ATCAY: variants seen among roughly 807,000 people sequenced by gnomAD.
The protein encoded by ATCAY is caytaxin.
A neutral mutation model predicts 47.7 loss-of-function variants in ATCAY; 22 were observed. The observed-to-expected ratio is 0.46, with a 90% CI of 0.33 to 0.66. The LOEUF (loss-of-function observed/expected upper bound fraction) is 0.66, where lower values mean the gene tolerates loss of function less well. ATCAY is among the 30% of genes least tolerant of loss of function. The probability of loss-of-function intolerance (pLI) is 0.02; values close to 1 mark genes in which losing one functional copy is unlikely to be tolerated. For synonymous variants in ATCAY, 216 were observed against 207.6 expected, an observed-to-expected ratio of 1.04 and a Z score of -0.35; for missense variants, 452 against 515.0, an observed-to-expected ratio of 0.88 and a Z score of 1.18.
intron 11 of ATCAY, among the ~76,000 whole-genome samples, chr19:3,919,285 A>G (rs1370827899): frequency 6.7e-6 from 1 of 148,404 alleles, no homozygotes; most frequent in African/African-American, 2.5e-5. Context: ...AAATAAATAA[A>G]CAAATAAAAT....
chr19:3,912,599 G>A (rs2038933045), intron 8 of ATCAY, among the ~76,000 whole-genome samples: 1 of 151,940 alleles, frequency 6.6e-6, no homozygotes, highest in Non-Finnish European at 1.5e-5. Context: ...TTTAAATACG[G>A]CCAGGTGTGG....
chr19:3,907,718 C>T lies in ATCAY; in HGVS notation c.359-16C>T, dbSNP rs535496518. The T allele has an allele frequency of 7.3e-5, 117 of 1,613,566 alleles. No homozygotes were observed. The highest frequency in any genetic ancestry group is 5.8e-4 in the Admixed American group (35 of 59,908). On this transcript the variant is annotated splice_polypyrimidine_tract_variant and intron_variant, in intron 4 of 12. Coordinates refer to ENST00000450849, the MANE Select transcript of ATCAY (RefSeq NM_033064.5). The surrounding 1 kb of genome is among the most constrained non-coding windows in gnomAD (Gnocchi z 5.1). ...GGACTCTGGCGTCCATGCGACTCTC[C>T]GCCACCTGCTTCTAGACGACACCCC...
rs755440503 is a variant in ATCAY at position 3,907,803 on chromosome 19, C to T, written c.428C>T (p.Thr143Met). The T allele has an allele frequency of 7.1e-5, 115 of 1,613,848 alleles. No individual in the cohort carries two copies. Among genetic ancestry groups the T allele is most frequent in the Middle Eastern group, 1.6e-4 (1 of 6,084 alleles). The change falls in exon 5 of 13, where the codon ACG becomes ATG. Residue 143 changes from threonine to methionine, a missense_variant. Transcript: ENST00000450849. The surrounding 1 kb of genome is among the most constrained non-coding windows in gnomAD (Gnocchi z 5.1). Reference protein sequence around the residue: ...DSADLFGDGTTEDGSAANGRL... With the variant: ...DSADLFGDGTMEDGSAANGRL... Reference sequence around the variant, plus strand: ...GCGGATCTATTTGGGGACGGCACGACGGAGGACGGCAGCGCCGCCAACGGG... The same window carrying T: ...GCGGATCTATTTGGGGACGGCACGATGGAGGACGGCAGCGCCGCCAACGGG...
At chr19:3,905,729 A>T in intron 4 of ATCAY, 74 bp downstream of exon 4, 1 of 1,364,248 alleles carries the variant, frequency 7.3e-7, no homozygotes, top group Non-Finnish European at 1.0e-6. Context: ...CTGGATTCCC[A>T]TAGGCTCAGA....
At chr19:3,881,126 C>G (rs2038594727) in intron 1 of ATCAY, 118 bp downstream of exon 1, 1 of 152,080 alleles carries the variant, frequency 6.6e-6, no homozygotes. Flanking sequence ...GAGCAGAGAG[C>G]CACGGTCTTG....
Position 3,908,284 on chromosome 19 carries a change from C to T in ATCAY, c.561C>T (p.Gly187=), listed in dbSNP as rs1239017527. 1.9e-6 allele frequency: 3 copies of T among 1,580,058 alleles called. No homozygotes were observed. The highest frequency in any genetic ancestry group is 2.3e-5 in the East Asian group (1 of 43,032). Reference sequence around the variant, plus strand: ...TCTCCTCAGGGTACTACGGCGAAGGCCTCAACGCCATCATCGTCTTCGCAG... The same window carrying T: ...TCTCCTCAGGGTACTACGGCGAAGGTCTCAACGCCATCATCGTCTTCGCAG... ...VVTHGGYYGE[G]LNAIIVFAAC... is the part of the protein sequence containing the mutation. Residue 187 remains glycine, a synonymous_variant, in exon 6 of 13, where the codon GGC becomes GGT. Transcript: ENST00000450849.
At chr19:3,919,607 A>G (rs999719176) in intron 11 of ATCAY, among the ~76,000 whole-genome samples, 1 of 151,916 alleles carries the variant, frequency 6.6e-6, no homozygotes, top group African/African-American at 2.4e-5. Context: ...AAATAAATAA[A>G]TAAATATCAT....
chr19:3,920,207 GAT>G (rs1035504812), intron 11 of ATCAY: 1 of 152,196 alleles, frequency 6.6e-6, no homozygotes, highest in African/African-American at 2.4e-5. Flanking sequence ...AGCCAGGCAT[GAT>G]GGTGTATACC....
chr19:3,914,247 A>AAAAAAAAAAAAAAAAT, intron 9 of ATCAY, among the ~76,000 whole-genome samples: 1 of 150,574 alleles, frequency 6.6e-6, no homozygotes, highest in Non-Finnish European at 1.5e-5. Flanking sequence ...AAAAAAAAAA[A>AAAAAAAAAAAAAAAAT]AAAGGGCTAA....
rs2038979146 is a variant in ATCAY, at chr19:3,917,780, G to A, written c.1001+3G>A. 5 of 1,609,982 alleles carry A rather than the reference G, an allele frequency of 3.1e-6. No homozygotes were observed. The East Asian group carries it at 6.7e-5, about 22-fold the overall frequency. ...AGACTGAAGGCCAGGAGGGAGAGGT[G>A]TGTGCAGAGTGGTTTCTGCTGGGGC... On this transcript the variant is annotated splice_donor_region_variant and intron_variant, in intron 10 of 12. Coordinates refer to ENST00000450849, the MANE Select transcript of ATCAY (RefSeq NM_033064.5).
At chr19:3,901,197 C>T (rs1306962641) in intron 2 of ATCAY, among the ~76,000 whole-genome samples, 1 of 152,184 alleles carries the variant, frequency 6.6e-6, no homozygotes, top group Admixed American at 6.6e-5. Context: ...CCACCGCACC[C>T]GGCCTATCCT....
At chr19:3,896,045 T>C (rs748724153) in intron 2 of ATCAY, among the ~76,000 whole-genome samples, 5 of 151,946 alleles carry the variant, frequency 3.3e-5, no homozygotes, top group African/African-American at 7.3e-5. Context: ...AGTGATGGGG[T>C]CTTGCTGTGT....
At chr19:3,885,678 A>G (rs2038644104) in intron 1 of ATCAY, 49 bp from the exon 2 acceptor site, 3 of 1,111,228 alleles carry the variant, frequency 2.7e-6, no homozygotes, top group South Asian at 2.8e-5. Flanking sequence ...GACGATTGTC[A>G]TTAGGACTAT....
At chr19:3,885,130 A>ACT (rs1270614999) in intron 1 of ATCAY, among the ~76,000 whole-genome samples, 1 of 150,188 alleles carries the variant, frequency 6.7e-6, no homozygotes, top group Non-Finnish European at 1.5e-5. Context: ...AAAAAAAAAA[A>ACT]AAAAACAGCC....
rs1298079183 is a variant in ATCAY, at chr19:3,909,711, G to A, written c.779+94G>A. On this transcript the variant is annotated intron_variant, in intron 7 of 12. Coordinates refer to ENST00000450849, the MANE Select transcript of ATCAY (RefSeq NM_033064.5). ...CTCACACCTGGAATCCCAGCACTTC[G>A]GGAGGCTGAGGTGGGAAGGTCCCTT... The A allele has an allele frequency of 4.7e-6, 7 of 1,499,288 alleles. No individual in the cohort carries two copies. The East Asian group carries it at 7.5e-5, about 16-fold the overall frequency. The allele number at this position is 1,499,288 out of a possible 1,614,324, so 92.9% of individuals were successfully genotyped here.
At chr19:3,899,145 C>T (rs2038793143) in intron 2 of ATCAY, among the ~76,000 whole-genome samples, 1 of 152,052 alleles carries the variant, frequency 6.6e-6, no homozygotes, top group Admixed American at 6.6e-5. Flanking sequence ...TCCTTTACCT[C>T]CAAGCCCCAT....
At chr19:3,913,646 TC>T in intron 8 of ATCAY, 111 bp from the exon 9 acceptor site, 1 of 754,538 alleles carries the variant, frequency 1.3e-6, no homozygotes, top group South Asian at 1.6e-5. Context: ...CACTGGGGCA[TC>T]CTGGAGTGGG....
At chr19:3,902,395 C>G in intron 2 of ATCAY, 92 bp from the exon 3 acceptor site, 9 of 1,190,620 alleles carry the variant, frequency 7.6e-6, no homozygotes, top group Non-Finnish European at 1.1e-5. Context: ...TTGTCTGACT[C>G]GCCTGGCTGG....
chr19:3,891,887 G>A (rs2038721712), intron 2 of ATCAY, among the ~76,000 whole-genome samples: 1 of 151,924 alleles, frequency 6.6e-6, no homozygotes, highest in Admixed American at 6.6e-5. Flanking sequence ...TTTCTGGGGG[G>A]TTTTATTTAT....
Sources: allele counts gnomAD v4.1 joint callset (sites outside exome capture counted in the v4.1 genomes callset), GRCh38; gene constraint gnomAD v4.1.1; non-coding constraint Gnocchi (gnomAD v3.1); transcripts MANE v1.5; gene names NCBI Gene and HGNC (gene_info 2026-07-23, HGNC 2026-07-21).